Variants in CSMD1 observed in about 807,000 individuals in gnomAD.
CSMD1 encodes the protein CUB and sushi domain-containing protein 1.
CSMD1 carries 213 observed loss-of-function variants against 417.5 expected under a neutral mutation model. That is an observed-to-expected ratio of 0.51 (90% CI 0.46 to 0.57). The LOEUF (loss-of-function observed/expected upper bound fraction) is 0.57. CSMD1 is among the 20% of genes least tolerant of loss of function. The pLI, the probability that CSMD1 is intolerant of heterozygous loss-of-function variation, is 0.00. For missense variants in CSMD1, 6,923 were observed against 4,529.7 expected (o/e 1.53, Z -15.17); for synonymous variants, 2,862 against 1,736.8 (o/e 1.65, Z -16.11).
Position 4,519,047 on chromosome 8 carries a change from T to C in CSMD1, c.303-98982A>G, listed in dbSNP as rs56120523. ...CAAACACTCCTTATGGCTAGTTTTT[T>C]CACATCTTTTAGAACAAGAGTCCAT... On this transcript the variant is annotated intron_variant, in intron 2 of 69. Transcript: ENST00000635120. Among the ~76,000 whole-genome samples the C allele has an allele frequency of 2.3e-3, 345 of 152,304 alleles. 3 individuals are homozygous for C. Among genetic ancestry groups the C allele is most frequent in the African/African-American group, 7.9e-3 (327 of 41,580 alleles).
intron 2 of CSMD1, among the ~76,000 whole-genome samples, chr8:4,622,268 T>A (rs1801825841): frequency 1.3e-5 from 2 of 151,994 alleles, no homozygotes; most frequent in African/African-American, 4.8e-5. Flanking sequence ...AGAGGATACT[T>A]GCCTGGCTGA....
chr8:3,593,845 T>C (rs1250998811), intron 8 of CSMD1, among the ~76,000 whole-genome samples: 1 of 152,170 alleles, frequency 6.6e-6, no homozygotes, highest in Non-Finnish European at 1.5e-5. Context: ...CCTCTCTCTT[T>C]CTCTATTTTT....
At chr8:3,872,044 T>G (rs1805514710) in intron 5 of CSMD1, among the ~76,000 whole-genome samples, 1 of 152,206 alleles carries the variant, frequency 6.6e-6, no homozygotes, top group African/African-American at 2.4e-5. Context: ...TTTGGATACA[T>G]TATATTGCTC....
intron 3 of CSMD1, among the ~76,000 whole-genome samples, chr8:4,065,383 C>T (rs1799190571): frequency 1.3e-5 from 2 of 152,102 alleles, no homozygotes; most frequent in South Asian, 4.1e-4. Flanking sequence ...GTTTATGGTC[C>T]TACAGTCTTA....
intron 1 of CSMD1, among the ~76,000 whole-genome samples, chr8:4,880,920 T>C (rs1197964597): frequency 1.3e-5 from 2 of 152,126 alleles, no homozygotes; most frequent in African/African-American, 4.8e-5. Context: ...CCTTATTTAC[T>C]ATCTTTGGAC....
At chr8:4,589,232 T>C (rs1272286481) in intron 2 of CSMD1, among the ~76,000 whole-genome samples, 1 of 152,224 alleles carries the variant, frequency 6.6e-6, no homozygotes, top group Admixed American at 6.5e-5. Context: ...CATTTTTCTA[T>C]ATTGGAAAAT....
At chr8:3,375,701 G>A (rs1192196750) in intron 18 of CSMD1, among the ~76,000 whole-genome samples, 1 of 152,110 alleles carries the variant, frequency 6.6e-6, no homozygotes. Context: ...TTCCAATCCT[G>A]ATGACCAGCC....
chr8:3,235,040 T>C (rs889321979), intron 26 of CSMD1, among the ~76,000 whole-genome samples: 1 of 152,186 alleles, frequency 6.6e-6, no homozygotes, highest in African/African-American at 2.4e-5. Flanking sequence ...TGGTGACATG[T>C]ATAATTAAGC....
chr8:4,987,361 T>C (rs1294975546), intron 1 of CSMD1, among the ~76,000 whole-genome samples: 3 of 152,170 alleles, frequency 2.0e-5, no homozygotes, highest in Admixed American at 6.5e-5. Flanking sequence ...GACAGGCGTG[T>C]TCAGTACAGA....
At chr8:4,905,801 CAG>C (rs1207410512) in intron 1 of CSMD1, among the ~76,000 whole-genome samples, 2 of 125,120 alleles carry the variant, frequency 1.6e-5, no homozygotes, top group South Asian at 2.5e-4. Context: ...GCCTGGGCCA[CAG>C]AGCGAGACTC....
At position 4,637,422 on chromosome 8, in the gene CSMD1, G is replaced by T; in HGVS notation, c.222C>A (p.Phe74Leu). 1.2e-6 allele frequency: 2 copies of T among 1,613,840 alleles called. No homozygotes were observed. Among genetic ancestry groups the T allele is most frequent in the Non-Finnish European group, 1.7e-6 (2 of 1,179,882 alleles). Residue 74 changes from phenylalanine (F) to leucine (L), a missense_variant, in exon 2 of 70, where the codon TTC (phenylalanine) becomes TTA (leucine). Transcript: ENST00000635120. ...TGERNRIQLS[F>L]HTFALEEDFD... ...AATCTTCTTCAAGAGCAAAGGTATG[G>T]AAGGACAACTGTATCCTATTGCGCT...
intron 3 of CSMD1, among the ~76,000 whole-genome samples, chr8:4,170,240 C>T (rs918937267): frequency 1.3e-5 from 2 of 151,816 alleles, no homozygotes; most frequent in Non-Finnish European, 2.9e-5. Flanking sequence ...TTCCCCATCT[C>T]TCTTTCTCTT....
chr8:4,545,013 G>T (rs899033168), intron 2 of CSMD1, among the ~76,000 whole-genome samples: 7 of 152,144 alleles, frequency 4.6e-5, no homozygotes, highest in African/African-American at 1.7e-4. Flanking sequence ...TATTTATCAC[G>T]CACGTATCTG....
At chr8:4,108,027 G>A (rs985810236) in intron 3 of CSMD1, among the ~76,000 whole-genome samples, 2 of 151,168 alleles carry the variant, frequency 1.3e-5, no homozygotes, top group African/African-American at 4.9e-5. Flanking sequence ...CTGCAGGGGA[G>A]AGAGAGAGAG....
intron 5 of CSMD1, among the ~76,000 whole-genome samples, chr8:3,821,427 G>A (rs532923997): frequency 1.3e-5 from 2 of 152,182 alleles, no homozygotes; most frequent in Non-Finnish European, 2.9e-5. Flanking sequence ...TATGCATTCT[G>A]CTATGACGCA....
chr8:3,772,081 G>A (rs1165841355), intron 5 of CSMD1, among the ~76,000 whole-genome samples: 1 of 150,782 alleles, frequency 6.6e-6, no homozygotes, highest in African/African-American at 2.4e-5. Flanking sequence ...ACCAATCCAG[G>A]CGGTTGATAT....
intron 12 of CSMD1, among the ~76,000 whole-genome samples, chr8:3,465,599 T>A (rs1205663906): frequency 6.6e-6 from 1 of 152,070 alleles, no homozygotes; most frequent in Non-Finnish European, 1.5e-5. Flanking sequence ...ATCTTAGGGT[T>A]AGAAGTGTGA....
intron 11 of CSMD1, among the ~76,000 whole-genome samples, chr8:3,475,193 A>AG (rs34695444): frequency 6.6e-6 from 1 of 151,846 alleles, no homozygotes; most frequent in Admixed American, 6.6e-5. Context: ...CCAGATTAGG[A>AG]TTTTTGCCTC....
chr8:3,816,043 G>A (rs1367915850), intron 5 of CSMD1, among the ~76,000 whole-genome samples: 7 of 152,132 alleles, frequency 4.6e-5, no homozygotes, highest in South Asian at 2.1e-4. Flanking sequence ...TTAGGTCCCC[G>A]TGGGTTGGTT....
Sources: allele counts gnomAD v4.1 joint callset (sites outside exome capture counted in the v4.1 genomes callset), GRCh38; gene constraint gnomAD v4.1.1; transcripts MANE v1.5; gene names NCBI Gene and HGNC (gene_info 2026-07-23, HGNC 2026-07-21).